SLC44A2: variants seen among roughly 807,000 people sequenced by gnomAD.
SLC44A2 encodes the protein choline transporter-like protein 2.
A neutral mutation model predicts 90.8 loss-of-function variants in SLC44A2; 57 were observed. That is an observed-to-expected ratio of 0.63 (90% CI 0.51 to 0.78). The LOEUF (loss-of-function observed/expected upper bound fraction) is 0.78. Ranked by LOEUF, SLC44A2 falls within the 30% of genes least tolerant of loss-of-function variation. The probability of loss-of-function intolerance (pLI) is 0.00; values close to 1 mark genes in which losing one functional copy is unlikely to be tolerated. For missense variants in SLC44A2, 794 were observed against 919.7 expected, an observed-to-expected ratio of 0.86 and a Z score of 1.77; for synonymous variants, 355 against 360.7, an observed-to-expected ratio of 0.98 and a Z score of 0.18.
rs140808248 is a variant in SLC44A2 at position 10,631,281 on chromosome 19, G to A, written c.337G>A (p.Val113Met). ...CTTCCTTCTCCCCTCCCAGATCTGC[G>A]TGGAAAAATGCCCCGACCGCTACCT... ...EFQCPTPQIC[V>M]EKCPDRYLTY... The change falls in exon 6 of 22, where the codon GTG becomes ATG. Residue 113 changes from valine to methionine, a missense_variant. By Grantham distance (21) the Val-to-Met change is conservative (BLOSUM62 1). Around this residue, in one of 3 missense-constraint regions of SLC44A2, gnomAD observed 738 missense variants for 841.1 expected, o/e 0.88. Coordinates refer to ENST00000335757, the MANE Select transcript of SLC44A2 (RefSeq NM_020428.4). The A allele has an allele frequency of 2.4e-5, 38 of 1,613,886 alleles. No individual in the cohort carries two copies. Among genetic ancestry groups the A allele is most frequent in the East Asian group, 1.6e-4 (7 of 44,888 alleles).
At chr19:10,622,897 G>A (rs2066903052), upstream of SLC44A2, among the ~76,000 whole-genome samples, 3 of 152,288 alleles carry the variant, frequency 2.0e-5, no homozygotes, top group South Asian at 6.2e-4. Context: ...GTGAGACCCT[G>A]TCTCAAAAAC....
Position 10,636,316 on chromosome 19 carries a change from C to T in SLC44A2, c.1234-7C>T. 6.2e-7 allele frequency: 1 copy of T among 1,608,300 alleles called. No individual in the cohort carries two copies. Among genetic ancestry groups the T allele is most frequent in the East Asian group, 2.2e-5 (1 of 44,742 alleles). ...TTTTGGACTCGGTTCTCCCTTCTCT[C>T]CCACAGACCTTCCCCTCCTCCAATG... On this transcript the variant is annotated splice_polypyrimidine_tract_variant and splice_region_variant and intron_variant, in intron 14 of 21. Coordinates refer to ENST00000335757, the MANE Select transcript of SLC44A2 (RefSeq NM_020428.4).
chr19:10,626,412 C>CTT (rs886227375), intron 2 of SLC44A2, 111 bp downstream of exon 2: 678 of 678,054 alleles, frequency 1.0e-3, no homozygotes, highest in East Asian at 1.1e-3. Flanking sequence ...ATATTTGAAA[C>CTT]TTTTTTTTTT....
intron 20 of SLC44A2, chr19:10,641,402 A>C (rs1263230313): frequency 8.9e-6 from 4 of 451,360 alleles, no homozygotes; most frequent in African/African-American, 4.1e-5. Context: ...TCAAAAAAAA[A>C]ACAAAAAAAA....
At chr19:10,602,625 G>A (rs997342618) in intron 1 of SLC44A2, 19 of 1,230,734 alleles carry the variant, frequency 1.5e-5, no homozygotes, top group African/African-American at 7.8e-5. Context: ...CCTTGAGCCA[G>A]GGGGACATCT....
intron 20 of SLC44A2, chr19:10,641,404 C>CAAA: frequency 5.3e-6 from 2 of 375,146 alleles, no homozygotes; most frequent in Admixed American, 5.9e-5. Flanking sequence ...AAAAAAAAAA[C>CAAA]AAAAAAAAAA....
At chr19:10,606,629 C>T (rs777315059) in intron 1 of SLC44A2, among the ~76,000 whole-genome samples, 131 of 151,888 alleles carry the variant, frequency 8.6e-4, no homozygotes, top group Non-Finnish European at 1.6e-3. Context: ...TTACCAATAT[C>T]GTGAAACCCT....
At chr19:10,625,343 G>A (rs2066921106), upstream of SLC44A2, 2 of 624,692 alleles carry the variant, frequency 3.2e-6, no homozygotes, top group Non-Finnish European at 2.2e-6. Flanking sequence ...CCGGTGGCAG[G>A]GTGTTCCCAG....
chr19:10,638,258 T>A lies in SLC44A2; in HGVS notation c.1872T>A (p.Arg624=). ...GILAFFFFTH[R]IRIVQDTAPP... Reference sequence around the variant, plus strand: ...TGGCTTTCTTCTTCTTCACCCACCGTATCAGGATCGTGCAGGATACAGCAC... The same window carrying A: ...TGGCTTTCTTCTTCTTCACCCACCGAATCAGGATCGTGCAGGATACAGCAC... The change falls in exon 20 of 22, where the codon CGT becomes CGA. Residue 624 remains arginine (R), a synonymous_variant. Coordinates refer to ENST00000335757, the MANE Select transcript of SLC44A2 (RefSeq NM_020428.4). 1 of 1,614,138 alleles carries A rather than the reference T, an allele frequency of 6.2e-7. No homozygotes were observed. Among genetic ancestry groups the A allele is most frequent in the South Asian group, 1.1e-5 (1 of 91,088 alleles).
At chr19:10,625,280 C>G, upstream of SLC44A2, 1 of 283,824 alleles carries the variant, frequency 3.5e-6, no homozygotes, top group Non-Finnish European at 6.3e-6. Context: ...ACCTGCAAAA[C>G]GAAGCCACGG....
chr19:10,607,883 C>A (rs1918158506), intron 1 of SLC44A2, among the ~76,000 whole-genome samples: 1 of 150,230 alleles, frequency 6.7e-6, no homozygotes, highest in Admixed American at 6.6e-5. Flanking sequence ...GTAGCTGGGA[C>A]TACAGGCGCC....
chr19:10,636,293 T>A (rs2067053014), intron 14 of SLC44A2, 30 bp from the exon 15 acceptor site: 1 of 1,589,066 alleles, frequency 6.3e-7, no homozygotes, highest in Non-Finnish European at 8.6e-7. Context: ...GTGCCTCTTT[T>A]TGGACTCGGT....
chr19:10,617,593 T>C (rs566642623), intron 1 of SLC44A2, among the ~76,000 whole-genome samples: 2 of 152,322 alleles, frequency 1.3e-5, no homozygotes, highest in African/African-American at 4.8e-5. Context: ...GACTCCCTCA[T>C]GTGTTCCCTC....
chr19:10,639,153 C>G (rs2067090125), intron 20 of SLC44A2, among the ~76,000 whole-genome samples: 1 of 152,130 alleles, frequency 6.6e-6, no homozygotes, highest in African/African-American at 2.4e-5. Context: ...GGGCTGGTCT[C>G]AAACTCCTGA....
Position 10,632,084 on chromosome 19 carries a change from A to G in SLC44A2, c.751A>G (p.Ile251Val), listed in dbSNP as rs1168272292. 16 of 1,613,880 alleles carry G rather than the reference A, an allele frequency of 9.9e-6. No homozygotes were observed. The highest frequency in any genetic ancestry group is 1.3e-5 in the Non-Finnish European group (15 of 1,180,010). The change falls in exon 10 of 22, where the codon ATC becomes GTC. Residue 251 changes from isoleucine to valine, a missense_variant. Around this residue, in one of 3 missense-constraint regions of SLC44A2, gnomAD observed 738 missense variants for 841.1 expected, o/e 0.88. Coordinates refer to ENST00000335757, the MANE Select transcript of SLC44A2 (RefSeq NM_020428.4). ...CATGGCGATGAGCCTCCTGTTCATCATCCTGCTTCGCTTCCTGGCTGGTAT... is the reference window on the plus strand; with the variant it reads ...CATGGCGATGAGCCTCCTGTTCATCGTCCTGCTTCGCTTCCTGGCTGGTAT... ...IAMAMSLLFI[I>V]LLRFLAGIMV... is the part of the protein sequence containing the mutation.
intron 1 of SLC44A2, among the ~76,000 whole-genome samples, chr19:10,614,970 CAAAA>C (rs74464361): frequency 1.6e-5 from 1 of 62,754 alleles, no homozygotes; most frequent in Non-Finnish European, 3.3e-5. Flanking sequence ...GACTCCGTCT[CAAAA>C]AAAAAAAAAA....
At position 10,636,463 on chromosome 19, in the gene SLC44A2, C is replaced by A. The variant is rs2067055711; in HGVS notation, c.1374C>A (p.Asn458Lys). Residue 458 changes from asparagine to lysine, a missense_variant, in exon 15 of 22, where the codon AAC (asparagine) becomes AAA (lysine). Asn to Lys is a moderately conservative substitution (Grantham distance 94). Coordinates refer to ENST00000335757, the MANE Select transcript of SLC44A2 (RefSeq NM_020428.4). ...CCTTCATGTTCTTCTGGTTGGCCAA[C>A]TTCGTGCTGGCGCTGGGCCAGGTCA... is the stretch of plus-strand genomic sequence containing the variant. Reference protein sequence around the residue: ...FNAFMFFWLANFVLALGQVTL... With the variant: ...FNAFMFFWLAKFVLALGQVTL... 1 of 1,613,776 alleles carries A rather than the reference C, an allele frequency of 6.2e-7. No homozygotes were observed. The highest frequency in any genetic ancestry group is 8.5e-7 in the Non-Finnish European group (1 of 1,180,048).
intron 1 of SLC44A2, among the ~76,000 whole-genome samples, chr19:10,616,435 T>C (rs2066855815): frequency 6.6e-6 from 1 of 152,014 alleles, no homozygotes; most frequent in Non-Finnish European, 1.5e-5. Context: ...TGTTGTTTTT[T>C]TAGAGACGAG....
chr19:10,634,911 GC>G (rs1175683768), intron 11 of SLC44A2, 24 bp downstream of exon 11: 1 of 1,613,980 alleles, frequency 6.2e-7, no homozygotes, highest in Non-Finnish European at 8.5e-7. Context: ...TCCCATTCCT[GC>G]CCCCACATGA....
Sources: allele counts gnomAD v4.1 joint callset (sites outside exome capture counted in the v4.1 genomes callset), GRCh38; gene constraint gnomAD v4.1.1; regional missense constraint gnomAD v4.1.1; transcripts MANE v1.5; gene names NCBI Gene and HGNC (gene_info 2026-07-23, HGNC 2026-07-21).